ST8SIA1: variants seen among roughly 807,000 people sequenced by gnomAD.
ST8SIA1 encodes alpha-N-acetylneuraminide alpha-2,8-sialyltransferase.
ST8SIA1 carries 16 observed loss-of-function variants against 35.9 expected under a neutral mutation model. The ratio of observed to expected loss-of-function variants is 0.45; its 90% CI spans 0.30 to 0.68. The LOEUF is 0.68. Ranked by LOEUF, ST8SIA1 falls within the 30% of genes least tolerant of loss-of-function variation. ST8SIA1 has a pLI of 0.09. For synonymous variants in ST8SIA1, 170 were observed against 169.6 expected (o/e 1.00, Z -0.02); for missense variants, 383 against 453.6 (o/e 0.84, Z 1.41).
chr12:22,319,916 A>G (rs1866564924), intron 1 of ST8SIA1, among the ~76,000 whole-genome samples: 1 of 152,182 alleles, frequency 6.6e-6, no homozygotes, highest in South Asian at 2.1e-4. Context: ...AGTGATTCTA[A>G]ATGGTGAAGA....
Position 22,333,952 on chromosome 12 carries a change from G to A in ST8SIA1, c.236+45C>T, listed in dbSNP as rs760924191. ...CGGTGACCCTGTCCTCTGCACTCGG[G>A]GAGGAAAGGACGCTAGAGGGGAGGA... On this transcript the variant is annotated intron_variant, in intron 1 of 4. Coordinates refer to ENST00000396037, the MANE Select transcript of ST8SIA1 (RefSeq NM_003034.4). 3.9e-6 allele frequency: 6 copies of A among 1,555,280 alleles called. No individual in the cohort carries two copies. In the East Asian group the frequency reaches 9.0e-5, roughly 23 times the overall value.
chr12:22,246,051 G>C (rs1012224729), intron 4 of ST8SIA1, among the ~76,000 whole-genome samples: 15 of 152,134 alleles, frequency 9.9e-5, no homozygotes, highest in African/African-American at 3.4e-4. Flanking sequence ...GCGTTTCCTT[G>C]AGTTCTGTGA....
chr12:22,275,024 G>C (rs1369267392), intron 2 of ST8SIA1, among the ~76,000 whole-genome samples: 3 of 152,208 alleles, frequency 2.0e-5, no homozygotes, highest in African/African-American at 7.2e-5. Flanking sequence ...ACAAATTTGG[G>C]GGGGAGAAAA....
chr12:22,296,894 C>T (rs1248341891), intron 1 of ST8SIA1, among the ~76,000 whole-genome samples: 1 of 152,160 alleles, frequency 6.6e-6, no homozygotes. Context: ...CACCTATACT[C>T]CACTGGGCTT....
rs981456466 is a variant in ST8SIA1, at chr12:22,211,900, A to G, written c.585-9862T>C. ...CTAATTTTGTATTTTTAGTAGAGACAGGGTTTCGCCAAGTTGGCCAGGCTG... is the reference window on the plus strand; with the variant it reads ...CTAATTTTGTATTTTTAGTAGAGACGGGGTTTCGCCAAGTTGGCCAGGCTG... On this transcript the variant is annotated intron_variant, in intron 4 of 4. Coordinates refer to ENST00000396037, the MANE Select transcript of ST8SIA1 (RefSeq NM_003034.4). 3.3e-5 allele frequency among the ~76,000 whole-genome samples: 5 copies of G among 152,002 alleles called. No homozygotes were observed. In the East Asian group the frequency reaches 7.7e-4, roughly 24 times the overall value.
intron 1 of ST8SIA1, among the ~76,000 whole-genome samples, chr12:22,311,450 C>G (rs1866448629): frequency 6.6e-6 from 1 of 152,142 alleles, no homozygotes; most frequent in African/African-American, 2.4e-5. Flanking sequence ...CAACATCATT[C>G]CCAAACACCA....
At chr12:22,234,496 T>C (rs1382106787) in intron 4 of ST8SIA1, among the ~76,000 whole-genome samples, 1 of 152,194 alleles carries the variant, frequency 6.6e-6, no homozygotes, top group Non-Finnish European at 1.5e-5. Flanking sequence ...CATCCGCTGG[T>C]GGTTATTTTC....
At chr12:22,231,740 A>G (rs1264693568) in intron 4 of ST8SIA1, among the ~76,000 whole-genome samples, 1 of 151,592 alleles carries the variant, frequency 6.6e-6, no homozygotes, top group Non-Finnish European at 1.5e-5. Context: ...CGCCCGGCTA[A>G]TTTTTTGTAT....
At chr12:22,280,435 G>A (rs945705947) in intron 2 of ST8SIA1, among the ~76,000 whole-genome samples, 1 of 152,150 alleles carries the variant, frequency 6.6e-6, no homozygotes, top group African/African-American at 2.4e-5. Context: ...TCAGGCCTAC[G>A]GGATGAGATG....
chr12:22,306,607 TATA>T (rs1470184810), intron 1 of ST8SIA1, among the ~76,000 whole-genome samples: 1 of 152,222 alleles, frequency 6.6e-6, no homozygotes, highest in Non-Finnish European at 1.5e-5. Context: ...ACCATTTTAT[TATA>T]ATGATTTTTC....
chr12:22,332,542 CTT>C (rs1359075481), intron 1 of ST8SIA1, among the ~76,000 whole-genome samples: 2 of 152,174 alleles, frequency 1.3e-5, no homozygotes, highest in Non-Finnish European at 2.9e-5. Context: ...TTTGCCTGCT[CTT>C]GAGTCCCACA....
At chr12:22,207,479 AAATC>A (rs1413122357) in intron 4 of ST8SIA1, among the ~76,000 whole-genome samples, 2 of 152,198 alleles carry the variant, frequency 1.3e-5, no homozygotes, top group African/African-American at 4.8e-5. Context: ...GTGACAAAAA[AAATC>A]AGCTGAGGAA....
At chr12:22,243,589 C>A (rs1173466727) in intron 4 of ST8SIA1, among the ~76,000 whole-genome samples, 5 of 151,886 alleles carry the variant, frequency 3.3e-5, no homozygotes, top group Non-Finnish European at 5.9e-5. Context: ...TGTATTTAAC[C>A]AAGTTTCCAG....
chr12:22,287,539 T>C (rs1314644084), intron 1 of ST8SIA1, among the ~76,000 whole-genome samples: 3 of 151,474 alleles, frequency 2.0e-5, no homozygotes, highest in Non-Finnish European at 4.4e-5. Context: ...CATTAGATTG[T>C]GTTCAGATTC....
intron 2 of ST8SIA1, among the ~76,000 whole-genome samples, chr12:22,262,660 A>T (rs1029300064): frequency 2.6e-5 from 4 of 152,182 alleles, no homozygotes; most frequent in African/African-American, 9.7e-5. Flanking sequence ...AGAAAAAGAA[A>T]ATGTAAACCA....
In ST8SIA1 at chr12:22,316,930, C is replaced by T. The variant is rs956887697; in HGVS notation, c.236+17067G>A. ...TTCAGTATCGGGAAAAAAAAACAGG[C>T]TTTCTCATACACTCTTGGTCACAAA... On this transcript the variant is annotated intron_variant, in intron 1 of 4. Coordinates refer to ENST00000396037, the MANE Select transcript of ST8SIA1 (RefSeq NM_003034.4). 2.0e-5 allele frequency among the ~76,000 whole-genome samples: 3 copies of T among 152,054 alleles called. No individual in the cohort carries two copies. In the East Asian group the frequency reaches 5.8e-4, roughly 29 times the overall value.
chr12:22,228,573 G>A (rs1207189255), intron 4 of ST8SIA1, among the ~76,000 whole-genome samples: 3 of 152,202 alleles, frequency 2.0e-5, no homozygotes, highest in African/African-American at 4.8e-5. Context: ...AAGATAAAAA[G>A]AGACAGAGTC....
rs140848111 is a variant in ST8SIA1, at chr12:22,267,845, C to A, written c.382-12456G>T. The stretch of plus-strand genomic sequence containing the variant: ...TCACATGCACAGTGATGTTTGTGAT[C>A]CACCTGATCTGCCAACTCTCAGATA... On this transcript the variant is annotated intron_variant, in intron 2 of 4. Transcript: ENST00000396037. 7.2e-5 allele frequency among the ~76,000 whole-genome samples: 11 copies of A among 152,238 alleles called. No individual in the cohort carries two copies. The South Asian group carries it at 1.2e-3, about 17-fold the overall frequency.
At chr12:22,273,615 C>T (rs548523297) in intron 2 of ST8SIA1, among the ~76,000 whole-genome samples, 1 of 152,276 alleles carries the variant, frequency 6.6e-6, no homozygotes, top group Admixed American at 6.5e-5. Flanking sequence ...TTGACTGCTT[C>T]CAATGTGAGG....
Sources: gnomAD v4.1 joint callset for allele counts (sites outside exome capture counted in the v4.1 genomes callset) on GRCh38, gnomAD v4.1.1 for gene constraint, MANE v1.5 for transcripts, NCBI Gene and HGNC (gene_info 2026-07-23, HGNC 2026-07-21) for gene names.